KIF13B: variants seen among roughly 807,000 people sequenced by gnomAD.
KIF13B encodes the protein kinesin-like protein KIF13B.
KIF13B carries 127 observed loss-of-function variants against 222.0 expected under a neutral mutation model. That is an observed-to-expected ratio of 0.57 (90% CI 0.50 to 0.66). The LOEUF (loss-of-function observed/expected upper bound fraction) is 0.66. KIF13B is among the 30% of genes least tolerant of loss of function. The probability of loss-of-function intolerance (pLI) is 0.00; values close to 1 mark genes in which losing one functional copy is unlikely to be tolerated. For missense variants in KIF13B, 2,173 were observed against 2,379.0 expected (o/e 0.91, Z 1.80); for synonymous variants, 976 against 919.0 (o/e 1.06, Z -1.12).
Position 29,124,130 on chromosome 8 carries a change from G to A in KIF13B, c.3253-7C>T, listed in dbSNP as rs765075333. ...GTCTCTCTAAATCTCGATCCTGGAAGCAAGCAAGGAAAATCATATTCAATG... is the reference window on the plus strand; with the variant it reads ...GTCTCTCTAAATCTCGATCCTGGAAACAAGCAAGGAAAATCATATTCAATG... On this transcript the variant is annotated splice_region_variant and splice_polypyrimidine_tract_variant and intron_variant, in intron 26 of 39. Coordinates refer to ENST00000524189, the MANE Select transcript of KIF13B (RefSeq NM_015254.4). 1.3e-6 allele frequency: 2 copies of A among 1,544,456 alleles called. No individual in the cohort carries two copies. Among genetic ancestry groups the A allele is most frequent in the Non-Finnish European group, 1.8e-6 (2 of 1,118,288 alleles).
intron 5 of KIF13B, 70 bp downstream of exon 5, chr8:29,188,444 AG>A: frequency 1.1e-6 from 1 of 945,228 alleles, no homozygotes; most frequent in Non-Finnish European, 1.6e-6. Flanking sequence ...AATGTTACTC[AG>A]TAAAATAAAC....
At chr8:29,241,564 C>CATCT (rs1443501846) in intron 2 of KIF13B, among the ~76,000 whole-genome samples, 1 of 152,198 alleles carries the variant, frequency 6.6e-6, no homozygotes. Flanking sequence ...AATACTAAGG[C>CATCT]ATCTGCCTTT....
At chr8:29,179,270 C>T (rs1193988873) in intron 8 of KIF13B, among the ~76,000 whole-genome samples, 1 of 152,218 alleles carries the variant, frequency 6.6e-6, no homozygotes, top group African/African-American at 2.4e-5. Flanking sequence ...GCATGAACCA[C>T]CCACACCTTG....
chr8:29,140,809 C>T (rs1191630460), intron 19 of KIF13B, 192 bp from the exon 20 acceptor site: 17 of 503,218 alleles, frequency 3.4e-5, no homozygotes, highest in East Asian at 3.2e-5. Flanking sequence ...CACACTCTTC[C>T]TCATTCCCAT....
chr8:29,158,003 G>C (rs989529239), intron 13 of KIF13B, among the ~76,000 whole-genome samples: 1 of 151,988 alleles, frequency 6.6e-6, no homozygotes. Context: ...CAGCTACATC[G>C]GCCTCCCATC....
chr8:29,212,751 T>C (rs1163008122), intron 2 of KIF13B, among the ~76,000 whole-genome samples: 1 of 151,374 alleles, frequency 6.6e-6, no homozygotes, highest in Non-Finnish European at 1.5e-5. Context: ...AAACTTCACA[T>C]TTAATACTTG....
chr8:29,195,882 T>A (rs1374474617), intron 3 of KIF13B, among the ~76,000 whole-genome samples: 1 of 152,214 alleles, frequency 6.6e-6, no homozygotes, highest in Non-Finnish European at 1.5e-5. Context: ...GCAGAGAGGA[T>A]GAGTCGGCTT....
chr8:29,096,319 A>AGAAAG (rs1808528487), intron 36 of KIF13B, among the ~76,000 whole-genome samples: 1 of 68,440 alleles, frequency 1.5e-5, no homozygotes, highest in African/African-American at 5.3e-5. Context: ...TTTTTTTTTG[A>AGAAAG]GAAAGGATCT....
At chr8:29,141,288 C>A (rs1285630952) in intron 19 of KIF13B, among the ~76,000 whole-genome samples, 1 of 150,660 alleles carries the variant, frequency 6.6e-6, no homozygotes, top group African/African-American at 2.4e-5. Flanking sequence ...GAGCCAAGAT[C>A]GTGCCACTGC....
chr8:29,122,486 C>T lies in KIF13B; in HGVS notation c.3535+105G>A, dbSNP rs1586808423. The T allele has an allele frequency of 3.4e-6, 3 of 883,660 alleles. No homozygotes were observed. In the East Asian group the frequency reaches 7.9e-5, roughly 23 times the overall value. 54.7% of individuals were successfully genotyped at this position (883,660 alleles called of 1,614,324 possible). On this transcript the variant is annotated intron_variant, in intron 29 of 39. Coordinates refer to ENST00000524189, the MANE Select transcript of KIF13B (RefSeq NM_015254.4). ...GGACACACGTCAAACTGGCTCTAGC[C>T]TTAGGGGGACAGAATTGCCTCACGA... is the stretch of plus-strand genomic sequence containing the variant.
intron 13 of KIF13B, among the ~76,000 whole-genome samples, chr8:29,157,654 G>C (rs1305629836): frequency 2.6e-5 from 4 of 151,894 alleles, no homozygotes; most frequent in Non-Finnish European, 5.9e-5. Context: ...GCAGTGAGCT[G>C]AGATCGTGCC....
chr8:29,229,420 G>A (rs1013391196), intron 2 of KIF13B, among the ~76,000 whole-genome samples: 22 of 152,180 alleles, frequency 1.4e-4, no homozygotes, highest in East Asian at 5.8e-4. Flanking sequence ...TTCTGAAAAT[G>A]TTGAGATAAC....
At chr8:29,170,362 A>G (rs1317943490) in intron 10 of KIF13B, among the ~76,000 whole-genome samples, 2 of 152,256 alleles carry the variant, frequency 1.3e-5, no homozygotes, top group Non-Finnish European at 2.9e-5. Context: ...GCTGATTCAG[A>G]ACAGAGCTGA....
At chr8:29,131,352 A>G (rs940567791) in intron 23 of KIF13B, among the ~76,000 whole-genome samples, 10 of 150,984 alleles carry the variant, frequency 6.6e-5, no homozygotes, top group Non-Finnish European at 1.5e-4. Flanking sequence ...AAAAAAAAGG[A>G]AAAAAAAAGC....
intron 21 of KIF13B, among the ~76,000 whole-genome samples, chr8:29,136,322 T>C (rs1810552401): frequency 6.6e-6 from 1 of 152,190 alleles, no homozygotes; most frequent in Admixed American, 6.5e-5. Flanking sequence ...CTCACTCCTG[T>C]AATCCCAGCA....
Position 29,069,234 on chromosome 8 carries a change from A to G in KIF13B, c.*1270T>C, listed in dbSNP as rs921684994. 2.6e-5 allele frequency: 4 copies of G among 152,270 alleles called. No individual in the cohort carries two copies. In the East Asian group the frequency reaches 5.8e-4, roughly 22 times the overall value. 9.4% of individuals were successfully genotyped at this position (152,270 alleles called of 1,614,324 possible). ...ACCTGGCACCAAAGGCTCTGGGAGCATAAGTGCCCCAGCCAGGAGGTGGAG... is the reference window on the plus strand; with the variant it reads ...ACCTGGCACCAAAGGCTCTGGGAGCGTAAGTGCCCCAGCCAGGAGGTGGAG... On this transcript the variant is annotated 3_prime_UTR_variant, in exon 40 of 40. Transcript: ENST00000524189.
intron 1 of KIF13B, among the ~76,000 whole-genome samples, chr8:29,248,025 T>C (rs147370506): frequency 6.6e-6 from 1 of 152,112 alleles, no homozygotes; most frequent in African/African-American, 2.4e-5. Context: ...GGGATAACTA[T>C]AATCAAAAAG....
chr8:29,192,781 C>T lies in KIF13B; in HGVS notation c.163-1724G>A, dbSNP rs536026204. Among the ~76,000 whole-genome samples, 315 of 151,826 alleles carry T rather than the reference C, an allele frequency of 2.1e-3. 1 individual carries two copies. The highest frequency in any genetic ancestry group is 6.8e-3 in the Middle Eastern group (2 of 294). On this transcript the variant is annotated intron_variant, in intron 3 of 39. Transcript: ENST00000524189. The stretch of plus-strand genomic sequence containing the variant: ...GCTAAAATTAACTCAAAACGACAGG[C>T]GATGGGGGAAGTGGGGAAATTGCCA...
chr8:29,245,159 T>G (rs1036129892), intron 2 of KIF13B, among the ~76,000 whole-genome samples, 187 bp downstream of exon 2: 9 of 152,218 alleles, frequency 5.9e-5, no homozygotes, highest in Admixed American at 5.9e-4. Context: ...CTAATACTCA[T>G]TCAGGCACAC....
Sources: allele counts gnomAD v4.1 joint callset (sites outside exome capture counted in the v4.1 genomes callset), GRCh38; gene constraint gnomAD v4.1.1; transcripts MANE v1.5; gene names NCBI Gene and HGNC (gene_info 2026-07-23, HGNC 2026-07-21).